The following ANKRD13C variants were observed in gnomAD, a reference collection of about 807,000 sequenced individuals.
ANKRD13C encodes ankyrin repeat domain 13C, also known as ankyrin repeat domain-containing protein 13C.
ANKRD13C carries 16 observed loss-of-function variants against 65.5 expected under a neutral mutation model. The observed-to-expected ratio is 0.24, with a 90% CI of 0.17 to 0.37. The LOEUF (loss-of-function observed/expected upper bound fraction) is 0.37. ANKRD13C is among the 10% of genes least tolerant of loss of function. ANKRD13C has a pLI of 1.00. For missense variants in ANKRD13C, 503 were observed against 655.9 expected (o/e 0.77, Z 2.55); for synonymous variants, 235 against 238.7 (o/e 0.98, Z 0.14).
chr1:70,278,566 T>C (rs1679245527), intron 9 of ANKRD13C, among the ~76,000 whole-genome samples: 1 of 152,058 alleles, frequency 6.6e-6, no homozygotes, highest in South Asian at 2.1e-4. Flanking sequence ...AAAAAAAATT[T>C]TTTTTCAATT....
At chr1:70,263,373 A>G (rs974144274) in intron 12 of ANKRD13C, among the ~76,000 whole-genome samples, 1 of 152,218 alleles carries the variant, frequency 6.6e-6, no homozygotes, top group Admixed American at 6.5e-5. Context: ...ATATCATACC[A>G]CCACAGCCTA....
At chr1:70,272,005 T>C (rs1378671273) in intron 11 of ANKRD13C, among the ~76,000 whole-genome samples, 1 of 152,176 alleles carries the variant, frequency 6.6e-6, no homozygotes, top group Non-Finnish European at 1.5e-5. Flanking sequence ...TTCTACTGTA[T>C]TTGTTTTGTA....
At chr1:70,315,382 C>A in intron 4 of ANKRD13C, 99 bp downstream of exon 4, 1 of 1,013,772 alleles carries the variant, frequency 9.9e-7, no homozygotes. Flanking sequence ...TTTTTGGCCC[C>A]TAATAAGTGA....
In ANKRD13C at chr1:70,354,421, G is replaced by C. The variant is rs1426765688; in HGVS notation, c.-13C>G. 6.2e-7 allele frequency: 1 copy of C among 1,605,348 alleles called. No homozygotes were observed. The highest frequency in any genetic ancestry group is 1.3e-5 in the African/African-American group (1 of 74,744). ...TCTCCCCGGTCATCGCCGCCGCCAGGGGCAAGGGGGGGAATCGGGAGGCTC... is the reference window on the plus strand; with the variant it reads ...TCTCCCCGGTCATCGCCGCCGCCAGCGGCAAGGGGGGGAATCGGGAGGCTC... On this transcript the variant is annotated 5_prime_UTR_variant, in exon 1 of 13. Coordinates refer to ENST00000370944, the MANE Select transcript of ANKRD13C (RefSeq NM_030816.5).
At chr1:70,271,946 G>C (rs1678900563) in intron 11 of ANKRD13C, among the ~76,000 whole-genome samples, 1 of 152,006 alleles carries the variant, frequency 6.6e-6, no homozygotes, top group Non-Finnish European at 1.5e-5. Context: ...AATTCACCAA[G>C]AGTTGTCAAA....
At chr1:70,309,992 T>A (rs1345225648) in intron 5 of ANKRD13C, among the ~76,000 whole-genome samples, 1 of 152,104 alleles carries the variant, frequency 6.6e-6, no homozygotes, top group Non-Finnish European at 1.5e-5. Context: ...ATCCTCATTT[T>A]AAAAATGAAG....
At chr1:70,285,774 G>A (rs947348857) in intron 9 of ANKRD13C, among the ~76,000 whole-genome samples, 2 of 151,610 alleles carry the variant, frequency 1.3e-5, no homozygotes, top group Non-Finnish European at 2.9e-5. Flanking sequence ...ATTACAGCGT[G>A]CCACCACACC....
intron 1 of ANKRD13C, among the ~76,000 whole-genome samples, chr1:70,351,961 C>T (rs956835073): frequency 3.9e-5 from 6 of 152,078 alleles, no homozygotes; most frequent in Non-Finnish European, 8.8e-5. Flanking sequence ...ATATTTACCC[C>T]AGGTATGTGA....
At position 70,262,711 on chromosome 1, in the gene ANKRD13C, C is replaced by T. The variant is rs752185926; in HGVS notation, c.*6G>A. The T allele has an allele frequency of 2.9e-5, 46 of 1,610,358 alleles. No individual in the cohort carries two copies. The highest frequency in any genetic ancestry group is 3.7e-5 in the Non-Finnish European group (43 of 1,177,806). On this transcript the variant is annotated 3_prime_UTR_variant, in exon 13 of 13. Transcript: ENST00000370944. Reference sequence around the variant, plus strand: ...CTTGGTTAGACGGCATCCTTTTCCACGTCAGTTAAAGATCAGGAAAACGGC... The same window carrying T: ...CTTGGTTAGACGGCATCCTTTTCCATGTCAGTTAAAGATCAGGAAAACGGC...
chr1:70,288,134 G>A (rs1679702476), intron 9 of ANKRD13C, among the ~76,000 whole-genome samples: 1 of 152,172 alleles, frequency 6.6e-6, no homozygotes, highest in Non-Finnish European at 1.5e-5. Context: ...TAGCAAATAA[G>A]CCATGAAGAG....
intron 5 of ANKRD13C, among the ~76,000 whole-genome samples, chr1:70,311,083 C>T (rs1680827917): frequency 6.6e-6 from 1 of 152,134 alleles, no homozygotes; most frequent in South Asian, 2.1e-4. Context: ...ATTCTCTATA[C>T]AAGGATTAAA....
At chr1:70,343,836 C>A (rs1456787633) in intron 1 of ANKRD13C, among the ~76,000 whole-genome samples, 1 of 152,164 alleles carries the variant, frequency 6.6e-6, no homozygotes. Context: ...CCGCACCAGG[C>A]TAACTTTAGT....
intron 10 of ANKRD13C, 27 bp downstream of exon 10, chr1:70,276,738 T>C: frequency 6.6e-7 from 1 of 1,514,838 alleles, no homozygotes; most frequent in East Asian, 2.3e-5. Context: ...AAAAACCAAA[T>C]AACACATAAA....
At chr1:70,273,895 A>T (rs374699514) in intron 11 of ANKRD13C, among the ~76,000 whole-genome samples, 1 of 151,932 alleles carries the variant, frequency 6.6e-6, no homozygotes, top group Admixed American at 6.6e-5. Context: ...ACCTCAGATG[A>T]TCCGCCCACC....
At chr1:70,265,955 G>A (rs1055748777) in intron 12 of ANKRD13C, among the ~76,000 whole-genome samples, 1 of 143,936 alleles carries the variant, frequency 6.9e-6, no homozygotes, top group African/African-American at 2.9e-5. Flanking sequence ...GAAGGAAGGA[G>A]GAAGCAAGGG....
rs546707167 is a variant in ANKRD13C at position 70,339,856 on chromosome 1, T to C, written c.431-3757A>G. Among the ~76,000 whole-genome samples, 17 of 140,480 alleles carry C rather than the reference T, an allele frequency of 1.2e-4. No individual in the cohort carries two copies. The Admixed American group carries it at 1.2e-3, about 10-fold the overall frequency. 92.2% of individuals were successfully genotyped at this position (140,480 alleles called of 152,430 possible). On this transcript the variant is annotated intron_variant, in intron 1 of 12. Coordinates refer to ENST00000370944, the MANE Select transcript of ANKRD13C (RefSeq NM_030816.5). Reference sequence around the variant, plus strand: ...TTATTATTATTATTATTATTATTATTATTATTATTTTGAAACAGGGTCTTG... The same window carrying C: ...TTATTATTATTATTATTATTATTATCATTATTATTTTGAAACAGGGTCTTG...
chr1:70,283,386 T>G (rs1679480976), intron 9 of ANKRD13C, among the ~76,000 whole-genome samples: 1 of 152,248 alleles, frequency 6.6e-6, no homozygotes, highest in Non-Finnish European at 1.5e-5. Context: ...CTGATGACTA[T>G]TTTCCTTGAA....
At position 70,354,085 on chromosome 1, in the gene ANKRD13C, G is replaced by A; in HGVS notation, c.324C>T (p.Gly108=). The change falls in exon 1 of 13, where the codon GGC becomes GGT. Residue 108 remains glycine, a synonymous_variant. Coordinates refer to ENST00000370944, the MANE Select transcript of ANKRD13C (RefSeq NM_030816.5). ...GCACCGGGTAGTGTGCGGGGCAACT[G>A]CCTCCATCCGCGACGACAGCAACGG... The part of the protein sequence containing the change: ...TNPVAVVADG[G]SCPAHYPVHE... 1 of 1,611,888 alleles carries A rather than the reference G, an allele frequency of 6.2e-7. No individual in the cohort carries two copies. Among genetic ancestry groups the A allele is most frequent in the Admixed American group, 1.7e-5 (1 of 59,878 alleles).
intron 3 of ANKRD13C, among the ~76,000 whole-genome samples, chr1:70,316,535 A>AC (rs1456443347): frequency 6.6e-6 from 1 of 151,722 alleles, no homozygotes; most frequent in East Asian, 1.9e-4. Context: ...AAAAAAAAAA[A>AC]AATTAGCCAG....
Sources: allele counts gnomAD v4.1 joint callset (sites outside exome capture counted in the v4.1 genomes callset), GRCh38; gene constraint gnomAD v4.1.1; transcripts MANE v1.5; gene names NCBI Gene and HGNC (gene_info 2026-07-23, HGNC 2026-07-21).